The following ABLIM2 variants were observed in gnomAD, a reference collection of about 807,000 sequenced individuals.
ABLIM2 encodes actin binding LIM protein family member 2.
Under a neutral mutation model 97.7 loss-of-function variants are expected in ABLIM2, and 53 were observed. The observed-to-expected ratio is 0.54, with a 90% CI of 0.44 to 0.68. The LOEUF (loss-of-function observed/expected upper bound fraction) is 0.68. Among genes scored for constraint, ABLIM2 ranks in the 30% least tolerant of loss-of-function variants. The pLI is 0.00. For missense variants in ABLIM2, 835 were observed against 867.2 expected, an observed-to-expected ratio of 0.96 and a Z score of 0.47; for synonymous variants, 361 against 345.8, an observed-to-expected ratio of 1.04 and a Z score of -0.49.
chr4:8,020,398 C>T, intron 12 of ABLIM2, 95 bp from the exon 13 acceptor site: 1 of 1,128,884 alleles, frequency 8.9e-7, no homozygotes. Context: ...CAGCGAGCCC[C>T]ATCTCTCCTG....
intron 9 of ABLIM2, among the ~76,000 whole-genome samples, chr4:8,042,204 C>G (rs1383477484): frequency 6.6e-6 from 1 of 152,214 alleles, no homozygotes; most frequent in African/African-American, 2.4e-5. Flanking sequence ...CCTACCCCCG[C>G]TGAAGTGAGC....
intron 1 of ABLIM2, among the ~76,000 whole-genome samples, chr4:8,153,007 T>TA (rs955868027): frequency 6.6e-6 from 1 of 152,148 alleles, no homozygotes; most frequent in Non-Finnish European, 1.5e-5. Flanking sequence ...GGAAGGGCCC[T>TA]AAGTATCTTT....
intron 6 of ABLIM2, among the ~76,000 whole-genome samples, chr4:8,062,399 A>C (rs916416031): frequency 1.3e-5 from 2 of 151,628 alleles, no homozygotes; most frequent in Non-Finnish European, 2.9e-5. Context: ...CATTTCGCTG[A>C]TCACAATTAT....
Position 8,020,344 on chromosome 4 carries a change from C to T in ABLIM2, c.1268-41G>A, listed in dbSNP as rs189905844. 3.1e-4 allele frequency: 471 copies of T among 1,537,520 alleles called. 1 individual carries two copies. In the African/African-American group the frequency reaches 4.5e-3, roughly 15 times the overall value. ...CAAAGGCAGCAGATAGAAGGGGAAA[C>T]GGGAAAGCAAAGTAGAATATTTCAA... On this transcript the variant is annotated intron_variant, in intron 12 of 20. Transcript: ENST00000447017.
rs1190804484 is a variant in ABLIM2, at chr4:8,085,402, C to T, written c.454+2767G>A. On this transcript the variant is annotated intron_variant, in intron 4 of 20. Coordinates refer to ENST00000447017, the MANE Select transcript of ABLIM2 (RefSeq NM_001130083.2). The surrounding 1 kb of genome is among the most constrained non-coding windows in gnomAD (Gnocchi z 6.1). Reference sequence around the variant, plus strand: ...CACCACGGCGTGGCTTTGGAGGAAGCTGCCATCTGGTGTTGGTGTCTCAGT... The same window carrying T: ...CACCACGGCGTGGCTTTGGAGGAAGTTGCCATCTGGTGTTGGTGTCTCAGT... 6.6e-6 allele frequency among the ~76,000 whole-genome samples: 1 copy of T among 152,182 alleles called. No homozygotes were observed. Among genetic ancestry groups the T allele is most frequent in the African/African-American group, 2.4e-5 (1 of 41,462 alleles).
At chr4:8,108,332 T>C (rs531266189) in intron 1 of ABLIM2, among the ~76,000 whole-genome samples, 32 of 152,338 alleles carry the variant, frequency 2.1e-4, no homozygotes, top group Admixed American at 1.4e-3. Context: ...CCATGCCTTC[T>C]GCTCATGCCA....
At chr4:8,138,937 C>A (rs1850551655) in intron 1 of ABLIM2, among the ~76,000 whole-genome samples, 1 of 152,242 alleles carries the variant, frequency 6.6e-6, no homozygotes, top group Non-Finnish European at 1.5e-5. Flanking sequence ...TGGCTCACGC[C>A]TGTAATCCCA....
At position 8,114,625 on chromosome 4, in the gene ABLIM2, T is replaced by A. The variant is rs530104084; in HGVS notation, c.11-7988A>T. Among the ~76,000 whole-genome samples, 141 of 152,288 alleles carry A rather than the reference T, an allele frequency of 9.3e-4. 1 individual carries two copies. Among genetic ancestry groups the A allele is most frequent in the Non-Finnish European group, 1.4e-3 (93 of 68,024 alleles). On this transcript the variant is annotated intron_variant, in intron 1 of 20. Transcript: ENST00000447017. Reference sequence around the variant, plus strand: ...TATAACCATGAACCGAGGACGCTGCTCTCTGGAGCCGGCCCCATTCTCACC... The same window carrying A: ...TATAACCATGAACCGAGGACGCTGCACTCTGGAGCCGGCCCCATTCTCACC...
At chr4:7,977,790 C>CAATAATAAATAAATGAATA (rs1734689915) in intron 20 of ABLIM2, among the ~76,000 whole-genome samples, 1 of 142,206 alleles carries the variant, frequency 7.0e-6, no homozygotes. Flanking sequence ...GACTCTGTCT[C>CAATAATAAATAAATGAATA]AATAAATAAA....
intron 17 of ABLIM2, among the ~76,000 whole-genome samples, chr4:7,990,871 A>G (rs1278953092): frequency 6.6e-6 from 1 of 152,222 alleles, no homozygotes; most frequent in Non-Finnish European, 1.5e-5. Context: ...AGGAAAGAAC[A>G]TTAGCAGGGA....
intron 3 of ABLIM2, among the ~76,000 whole-genome samples, chr4:8,089,553 G>A (rs1388300100): frequency 1.3e-5 from 2 of 152,008 alleles, no homozygotes; most frequent in Non-Finnish European, 2.9e-5. Flanking sequence ...TGGCCAGTGT[G>A]GTGAAACCTG....
rs1162651872 is a variant in ABLIM2, at chr4:7,996,674, C to T, written c.1619-3747G>A. On this transcript the variant is annotated intron_variant, in intron 16 of 20. Coordinates refer to ENST00000447017, the MANE Select transcript of ABLIM2 (RefSeq NM_001130083.2). This position sits in a 1 kb window ranked among gnomAD's most constrained non-coding sequence, Gnocchi z 4.5. ...CTATTCCGACGTTCTTCTTTCCTTT[C>T]TGAAGTTCCAAGCCTTCTTCTATTA... Among the ~76,000 whole-genome samples, 1 of 152,218 alleles carries T rather than the reference C, an allele frequency of 6.6e-6. No individual in the cohort carries two copies. The highest frequency in any genetic ancestry group is 1.5e-5 in the Non-Finnish European group (1 of 68,038).
chr4:8,042,333 C>T (rs1463934874), intron 9 of ABLIM2, among the ~76,000 whole-genome samples: 2 of 152,206 alleles, frequency 1.3e-5, no homozygotes, highest in African/African-American at 4.8e-5. Flanking sequence ...TGTGCACAAC[C>T]TGGCCATGGA....
In ABLIM2 at chr4:8,106,477, G is replaced by C. The variant is rs1250151903; in HGVS notation, c.154+17C>G. ...CCGTTTCAGGGGCCACACTGCAGGG[G>C]ACCGGGGGACACTCACCTTTACAGA... On this transcript the variant is annotated intron_variant, in intron 2 of 20. Transcript: ENST00000447017. The C allele has an allele frequency of 6.3e-7, 1 of 1,584,490 alleles. No individual in the cohort carries two copies.
chr4:8,070,874 G>A lies in ABLIM2; in HGVS notation c.675+6754C>T, dbSNP rs116294279. On this transcript the variant is annotated intron_variant, in intron 6 of 20. Coordinates refer to ENST00000447017, the MANE Select transcript of ABLIM2 (RefSeq NM_001130083.2). ...GGGGGACGCTGGGCTTCTTGTTACC[G>A]GGGAGACGGCCCCTGCACAGACTGC... Among the ~76,000 whole-genome samples, 877 of 152,226 alleles carry A rather than the reference G, an allele frequency of 5.8e-3. 7 individuals carry two copies. The highest frequency in any genetic ancestry group is 8.5e-3 in the Non-Finnish European group (576 of 68,004).
Position 8,082,461 on chromosome 4 carries a change from G to A in ABLIM2, c.455-1659C>T, listed in dbSNP as rs151225265. ...CGGCGAGACCCCCTGTGGGCCTGCT[G>A]TGCGGTGAGAGCTCAGCAGAGGCTG... On this transcript the variant is annotated intron_variant, in intron 4 of 20. Transcript: ENST00000447017. This position sits in a 1 kb window ranked among gnomAD's most constrained non-coding sequence, Gnocchi z 5.6. Among the ~76,000 whole-genome samples the A allele has an allele frequency of 3.8e-4, 58 of 152,346 alleles. No individual in the cohort carries two copies. Among genetic ancestry groups the A allele is most frequent in the African/African-American group, 1.4e-3 (57 of 41,578 alleles).
chr4:8,074,833 T>G (rs1000041504), intron 6 of ABLIM2, among the ~76,000 whole-genome samples: 1 of 141,394 alleles, frequency 7.1e-6, no homozygotes, highest in East Asian at 2.1e-4. Context: ...CAGGCTGGAG[T>G]GCAGTGGCGC....
intron 11 of ABLIM2, 144 bp from the exon 12 acceptor site, chr4:8,028,001 C>A: frequency 1.7e-6 from 1 of 573,898 alleles, no homozygotes. Flanking sequence ...AGGTGGTCAC[C>A]AAACATGCTT....
Position 8,063,605 on chromosome 4 carries a change from G to A in ABLIM2, c.676-2551C>T, listed in dbSNP as rs1280344388. Among the ~76,000 whole-genome samples, 5 of 152,226 alleles carry A rather than the reference G, an allele frequency of 3.3e-5. No individual in the cohort carries two copies. The South Asian group carries it at 6.2e-4, about 19-fold the overall frequency. On this transcript the variant is annotated intron_variant, in intron 6 of 20. Coordinates refer to ENST00000447017, the MANE Select transcript of ABLIM2 (RefSeq NM_001130083.2). ...GTTACAGTCCAGGAGCCTGGCCCCCGAGTGCAGAGCTTAAGCCCATGCCCA... is the reference window on the plus strand; with the variant it reads ...GTTACAGTCCAGGAGCCTGGCCCCCAAGTGCAGAGCTTAAGCCCATGCCCA...
Sources: allele counts gnomAD v4.1 joint callset (sites outside exome capture counted in the v4.1 genomes callset), GRCh38; gene constraint gnomAD v4.1.1; non-coding constraint Gnocchi (gnomAD v3.1); transcripts MANE v1.5; gene names NCBI Gene and HGNC (gene_info 2026-07-23, HGNC 2026-07-21).